RNF216: variants seen among roughly 807,000 people sequenced by gnomAD.
The protein encoded by RNF216 is ring finger protein 216.
In RNF216, 72 loss-of-function variants were observed where a neutral mutation model predicts 110.8. The observed-to-expected ratio is 0.65, with a 90% CI of 0.54 to 0.79. The LOEUF (loss-of-function observed/expected upper bound fraction) is 0.79, where lower values mean the gene tolerates loss of function less well. RNF216 is among the 30% of genes least tolerant of loss of function. RNF216 has a pLI of 0.00. For missense variants in RNF216, 1,342 were observed against 1,141.2 expected (o/e 1.18, Z -2.54); for synonymous variants, 495 against 407.5 (o/e 1.21, Z -2.59).
chr7:5,660,943 G>GTTTTTTTTTGTTT (rs1470327757), intron 13 of RNF216, among the ~76,000 whole-genome samples: 6 of 90,152 alleles, frequency 6.7e-5, no homozygotes, highest in East Asian at 6.0e-4. Context: ...GAAGCCTTAG[G>GTTTTTTTTTGTTT]TTTTTTTTTT....
chr7:5,752,287 A>G (rs943400672), intron 3 of RNF216, among the ~76,000 whole-genome samples: 1 of 152,216 alleles, frequency 6.6e-6, no homozygotes, highest in Admixed American at 6.5e-5. Flanking sequence ...CTTAAGATCT[A>G]TATTAAGAAA....
rs1465424152 is a variant in RNF216, at chr7:5,693,637, GAAGT to G, written c.2061+18120_2061+18123del. 3.3e-5 allele frequency among the ~76,000 whole-genome samples: 5 copies of G among 152,330 alleles called. No individual in the cohort carries two copies. In the East Asian group the frequency reaches 9.6e-4, roughly 29 times the overall value. On this transcript the variant is annotated intron_variant, in intron 13 of 16. Transcript: ENST00000389902. ...CAAGTGTCAATTCCTCTTTTTAGAGGAAGTAAGAAGGGAACTGTAGGTCTTTTGA... is the reference window on the plus strand; with the variant it reads ...CAAGTGTCAATTCCTCTTTTTAGAGGAAGAAGGGAACTGTAGGTCTTTTGA...
At chr7:5,775,474 G>A (rs1218306697) in intron 1 of RNF216, among the ~76,000 whole-genome samples, 6 of 152,086 alleles carry the variant, frequency 3.9e-5, no homozygotes, top group Admixed American at 1.3e-4. Flanking sequence ...TGGCTCTCCA[G>A]AATACTTCCT....
At chr7:5,714,804 T>C (rs1792937527) in intron 11 of RNF216, among the ~76,000 whole-genome samples, 1 of 152,196 alleles carries the variant, frequency 6.6e-6, no homozygotes. Flanking sequence ...ACAAATAAGA[T>C]GATGAACGAA....
chr7:5,646,765 A>G (rs1584370437), intron 14 of RNF216, among the ~76,000 whole-genome samples: 2 of 151,946 alleles, frequency 1.3e-5, no homozygotes, highest in Middle Eastern at 6.8e-3. Context: ...TCTCTGTTGT[A>G]TTAGCTTAGT....
intron 5 of RNF216, among the ~76,000 whole-genome samples, chr7:5,732,697 T>C (rs1012703125): frequency 1.3e-5 from 2 of 152,216 alleles, no homozygotes; most frequent in East Asian, 1.9e-4. Context: ...GTTTTTCTTC[T>C]ACAGAAACAA....
chr7:5,711,765 C>T lies in RNF216; in HGVS notation c.2057G>A (p.Arg686Gln), dbSNP rs144580837. 8.7e-6 allele frequency: 14 copies of T among 1,612,452 alleles called. No homozygotes were observed. The highest frequency in any genetic ancestry group is 2.2e-5 in the East Asian group (1 of 44,880). Residue 686 changes from arginine to glutamine, a missense_variant, in exon 13 of 17, where the codon CGA becomes CAA. Coordinates refer to ENST00000389902, the MANE Select transcript of RNF216 (RefSeq NM_207111.4). ...KRFSCPNPHCRKETCRKCQGL... is the reference protein window; with the variant it reads ...KRFSCPNPHCQKETCRKCQGL... ...GAAAAAAATGTGCCTCCCTACCTTT[C>T]GGCAGTGAGGATTAGGACAGCTGAA...
At chr7:5,770,799 ATTCT>A (rs1302107917) in intron 1 of RNF216, among the ~76,000 whole-genome samples, 1 of 151,722 alleles carries the variant, frequency 6.6e-6, no homozygotes, top group East Asian at 1.9e-4. Flanking sequence ...TGCAGAACAG[ATTCT>A]TTTTTTTTTT....
intron 15 of RNF216, among the ~76,000 whole-genome samples, chr7:5,633,892 T>A (rs2128561160): frequency 6.6e-6 from 1 of 152,104 alleles, no homozygotes; most frequent in East Asian, 1.9e-4. Context: ...TACACAAACA[T>A]CCTCCCTTAG....
rs1414217940 is a variant in RNF216, at chr7:5,632,224, TC to T, written c.2383-8100del. On this transcript the variant is annotated intron_variant, in intron 15 of 16. Coordinates refer to ENST00000389902, the MANE Select transcript of RNF216 (RefSeq NM_207111.4). Reference sequence around the variant, plus strand: ...GGGGCAGGAGGGGCTGCTGGCTGCATCTTTACTCGCTGCCACAGATCCATGA... The same window carrying T: ...GGGGCAGGAGGGGCTGCTGGCTGCATTTTACTCGCTGCCACAGATCCATGA... 6.6e-5 allele frequency among the ~76,000 whole-genome samples: 10 copies of T among 152,332 alleles called. No individual in the cohort carries two copies. The South Asian group carries it at 1.5e-3, about 22-fold the overall frequency.
chr7:5,767,544 C>CTTT (rs1418870727), intron 1 of RNF216, among the ~76,000 whole-genome samples: 1 of 152,030 alleles, frequency 6.6e-6, no homozygotes, highest in African/African-American at 2.4e-5. Context: ...CAAAATCCAA[C>CTTT]AGCAGAGAAG....
At chr7:5,738,288 G>T (rs913094848) in intron 5 of RNF216, among the ~76,000 whole-genome samples, 1 of 151,986 alleles carries the variant, frequency 6.6e-6, no homozygotes, top group Non-Finnish European at 1.5e-5. Flanking sequence ...GTGCAGTAGC[G>T]TAACACAGCT....
intron 15 of RNF216, among the ~76,000 whole-genome samples, chr7:5,634,976 C>T (rs1039831270): frequency 1.3e-5 from 2 of 152,168 alleles, no homozygotes; most frequent in African/African-American, 4.8e-5. Flanking sequence ...TCTGCAAGGG[C>T]TACCTGGTTC....
chr7:5,715,315 G>T (rs1050252047), intron 10 of RNF216, 125 bp from the exon 11 acceptor site: 5 of 843,170 alleles, frequency 5.9e-6, no homozygotes, highest in Non-Finnish European at 7.5e-6. Flanking sequence ...CCATTTTAGG[G>T]GCCATAAAAC....
intron 1 of RNF216, among the ~76,000 whole-genome samples, chr7:5,769,737 G>T (rs940788968): frequency 2.7e-5 from 4 of 148,494 alleles, no homozygotes; most frequent in Admixed American, 2.0e-4. Context: ...AAGAAAAAAA[G>T]AAAAAAGACT....
chr7:5,673,232 C>T (rs1447893887), intron 13 of RNF216, among the ~76,000 whole-genome samples: 2 of 152,212 alleles, frequency 1.3e-5, no homozygotes, highest in East Asian at 3.9e-4. Flanking sequence ...TTCTATGAAG[C>T]CACAAGGTGT....
At chr7:5,766,286 C>A in intron 1 of RNF216, among the ~76,000 whole-genome samples, 1 of 152,060 alleles carries the variant, frequency 6.6e-6, no homozygotes, top group South Asian at 2.1e-4. Flanking sequence ...TGAGACACTG[C>A]CTCAAAAAAC....
In RNF216 at chr7:5,757,668, T is replaced by C. The variant is rs528826373; in HGVS notation, c.67+3335A>G. Reference sequence around the variant, plus strand: ...AATATATACAGTATGTATAATTCCATTTATATGAAATGACAGAGTCAAAAA... The same window carrying C: ...AATATATACAGTATGTATAATTCCACTTATATGAAATGACAGAGTCAAAAA... On this transcript the variant is annotated intron_variant, in intron 2 of 16. Coordinates refer to ENST00000389902, the MANE Select transcript of RNF216 (RefSeq NM_207111.4). Among the ~76,000 whole-genome samples the C allele has an allele frequency of 1.2e-4, 18 of 152,284 alleles. No homozygotes were observed. In the East Asian group the frequency reaches 3.3e-3, roughly 28 times the overall value.
At chr7:5,692,591 G>A (rs3801009) in intron 13 of RNF216, among the ~76,000 whole-genome samples, 10,979 of 152,230 alleles carry the variant, frequency 0.072, 474 homozygotes, top group East Asian at 0.12. Context: ...GGCGAGCGAG[G>A]AGAAAGGCAG....
Sources: gnomAD v4.1 joint callset for allele counts (sites outside exome capture counted in the v4.1 genomes callset) on GRCh38, gnomAD v4.1.1 for gene constraint, MANE v1.5 for transcripts, NCBI Gene and HGNC (gene_info 2026-07-23, HGNC 2026-07-21) for gene names.